SLC41A3: variants seen among roughly 807,000 people sequenced by gnomAD.
The protein encoded by SLC41A3 is solute carrier family 41 member 3.
SLC41A3 carries 44 observed loss-of-function variants against 45.4 expected under a neutral mutation model. That is an observed-to-expected ratio of 0.97 (90% confidence interval 0.76 to 1.25). The LOEUF (loss-of-function observed/expected upper bound fraction) is 1.25, where lower values mean the gene tolerates loss of function less well. Ranked by LOEUF, SLC41A3 falls within the 50% of genes most tolerant of loss-of-function variation. SLC41A3 has a pLI of 0.00. For synonymous variants in SLC41A3, 256 were observed against 252.4 expected (o/e 1.01, Z -0.13); for missense variants, 550 against 600.6 (o/e 0.92, Z 0.88).
intron 4 of SLC41A3, among the ~76,000 whole-genome samples, chr3:126,028,927 T>A (rs557545714): frequency 6.6e-6 from 1 of 152,350 alleles, no homozygotes; most frequent in South Asian, 2.1e-4. Context: ...CCATAACCCC[T>A]TCCTTTGGCT....
intron 5 of SLC41A3, chr3:126,023,164 C>A: frequency 1.8e-6 from 1 of 557,276 alleles, no homozygotes; most frequent in South Asian, 2.2e-5. Flanking sequence ...GAGTTGGACT[C>A]CACTTTGTGA....
At chr3:126,049,999 C>A (rs1421860630) in intron 3 of SLC41A3, among the ~76,000 whole-genome samples, 1 of 152,142 alleles carries the variant, frequency 6.6e-6, no homozygotes, top group Non-Finnish European at 1.5e-5. Context: ...CTGAAACGTC[C>A]CTCTGTTCCT....
chr3:126,052,634 C>T (rs1943406291), intron 2 of SLC41A3, among the ~76,000 whole-genome samples: 1 of 152,148 alleles, frequency 6.6e-6, no homozygotes, highest in African/African-American at 2.4e-5. Context: ...CTGCTGCTCT[C>T]CCTGCAGGGT....
intron 2 of SLC41A3, among the ~76,000 whole-genome samples, chr3:126,053,421 T>C (rs1374311100): frequency 6.6e-6 from 1 of 152,346 alleles, no homozygotes; most frequent in East Asian, 1.9e-4. Flanking sequence ...CTACCTCCTC[T>C]GTGGTATTTT....
chr3:126,067,896 G>C, intron 2 of SLC41A3, 51 bp downstream of exon 2: 3 of 1,526,128 alleles, frequency 2.0e-6, no homozygotes, highest in Non-Finnish European at 2.6e-6. Flanking sequence ...CTACTCTATA[G>C]GTGATGTTCG....
chr3:126,027,200 G>A (rs1425687782), intron 4 of SLC41A3, among the ~76,000 whole-genome samples: 3 of 152,158 alleles, frequency 2.0e-5, no homozygotes, highest in Non-Finnish European at 4.4e-5. Flanking sequence ...GGGGCCTGGT[G>A]GGAGGTGATT....
chr3:126,060,630 T>A (rs929038054), intron 2 of SLC41A3, among the ~76,000 whole-genome samples: 1 of 152,216 alleles, frequency 6.6e-6, no homozygotes, highest in Non-Finnish European at 1.5e-5. Context: ...TGTAACTATA[T>A]AAGAAAAATG....
chr3:126,012,145 A>G (rs1939777087), intron 9 of SLC41A3, among the ~76,000 whole-genome samples: 1 of 152,114 alleles, frequency 6.6e-6, no homozygotes, highest in Non-Finnish European at 1.5e-5. Flanking sequence ...GGCCTTTGCT[A>G]GACTGCACCC....
chr3:126,026,234 T>C lies in SLC41A3; in HGVS notation c.598+101A>G. 1 of 1,483,692 alleles carries C rather than the reference T, an allele frequency of 6.7e-7. No individual in the cohort carries two copies. Among genetic ancestry groups the C allele is most frequent in the Admixed American group, 2.2e-5 (1 of 46,160 alleles). The allele number at this position is 1,483,692 out of a possible 1,614,324, so 91.9% of individuals were successfully genotyped here. ...AGCCCACCATCAGTCCCATTAGCAG[T>C]GGGACTCACACCCCCAGAAACTGAA... On this transcript the variant is annotated intron_variant, in intron 5 of 10. Coordinates refer to ENST00000360370, the MANE Select transcript of SLC41A3 (RefSeq NM_017836.4). The surrounding 1 kb of genome is among the most constrained non-coding windows in gnomAD (Gnocchi z 4.2).
intron 8 of SLC41A3, among the ~76,000 whole-genome samples, chr3:126,014,082 G>T (rs1400800712): frequency 6.6e-6 from 1 of 152,150 alleles, no homozygotes; most frequent in African/African-American, 2.4e-5. Flanking sequence ...GATGGAAGGT[G>T]GGGATTCCCC....
rs1454444383 is a variant in SLC41A3 at position 126,007,151 on chromosome 3, G to C, written c.1329C>G (p.His443Gln). ...TWHQALDPDN[H>Q]CIPYLTGLGD... ...CCAGCCCTGTAAGGTAGGGGATGCA[G>C]TGGTTGTCAGGATCCAGGGCCTGGT... The change falls in exon 11 of 11, where the codon CAC (histidine) becomes CAG (glutamine). Residue 443 changes from histidine to glutamine, a missense_variant. Coordinates refer to ENST00000360370, the MANE Select transcript of SLC41A3 (RefSeq NM_017836.4). The C allele has an allele frequency of 3.1e-6, 5 of 1,614,136 alleles. No homozygotes were observed. The African/African-American group carries it at 6.7e-5, about 22-fold the overall frequency.
At chr3:126,038,942 G>A (rs999431248) in intron 3 of SLC41A3, among the ~76,000 whole-genome samples, 4 of 152,084 alleles carry the variant, frequency 2.6e-5, no homozygotes, top group African/African-American at 9.7e-5. Flanking sequence ...TCATGGTAAT[G>A]AGTGAGTTCT....
At chr3:126,015,393 C>T (rs532507357) in intron 8 of SLC41A3, 101 bp downstream of exon 8, 21 of 1,174,534 alleles carry the variant, frequency 1.8e-5, no homozygotes, top group East Asian at 1.2e-4. Flanking sequence ...ACTGCCTGTG[C>T]GGGGCTGGTG....
At chr3:126,018,826 A>T (rs1034557735) in intron 6 of SLC41A3, among the ~76,000 whole-genome samples, 1 of 152,238 alleles carries the variant, frequency 6.6e-6, no homozygotes, top group African/African-American at 2.4e-5. Context: ...TGCAGGCTTC[A>T]GTTGCTTATT....
At chr3:126,090,260 T>C (rs991807655) in intron 1 of SLC41A3, among the ~76,000 whole-genome samples, 1 of 152,154 alleles carries the variant, frequency 6.6e-6, no homozygotes, top group Admixed American at 6.5e-5. Flanking sequence ...CAAAGCCAAC[T>C]TAGAAGGAGC....
At chr3:126,050,659 C>T (rs1391614190) in intron 3 of SLC41A3, among the ~76,000 whole-genome samples, 5 of 152,032 alleles carry the variant, frequency 3.3e-5, no homozygotes, top group Admixed American at 6.5e-5. Context: ...GGTGGCAGGG[C>T]GGTGTGCAGA....
At chr3:126,030,628 C>T (rs1941729225) in intron 4 of SLC41A3, among the ~76,000 whole-genome samples, 1 of 151,988 alleles carries the variant, frequency 6.6e-6, no homozygotes, top group African/African-American at 2.4e-5. Flanking sequence ...GGATGAATGA[C>T]AGATGTGTGG....
At chr3:126,020,313 G>C (rs1356358084) in intron 6 of SLC41A3, among the ~76,000 whole-genome samples, 1 of 151,930 alleles carries the variant, frequency 6.6e-6, no homozygotes, top group Admixed American at 6.6e-5. Context: ...TGGGAGGGGG[G>C]GCCTCAAAAA....
upstream of SLC41A3, among the ~76,000 whole-genome samples, chr3:126,085,792 C>CTTG (rs1420616769): frequency 1.4e-5 from 2 of 141,824 alleles, no homozygotes; most frequent in Admixed American, 7.0e-5. Context: ...AAACGTGCTC[C>CTTG]TGGGTGACTG....
Sources: gnomAD v4.1 joint callset for allele counts (sites outside exome capture counted in the v4.1 genomes callset) on GRCh38, gnomAD v4.1.1 for gene constraint, Gnocchi (gnomAD v3.1) non-coding constraint, MANE v1.5 for transcripts, NCBI Gene and HGNC (gene_info 2026-07-23, HGNC 2026-07-21) for gene names.